MMP16: variants seen among roughly 807,000 people sequenced by gnomAD.
MMP16 encodes the protein matrix metalloproteinase-16.
In MMP16, 12 loss-of-function variants were observed where a neutral mutation model predicts 67.8. The observed-to-expected ratio is 0.18, with a 90% CI of 0.11 to 0.29. The LOEUF (loss-of-function observed/expected upper bound fraction) is 0.29. MMP16 is among the 10% of genes least tolerant of loss of function. The probability of loss-of-function intolerance (pLI) is 1.00; values close to 1 mark genes in which losing one functional copy is unlikely to be tolerated. For synonymous variants in MMP16, 249 were observed against 255.9 expected, an observed-to-expected ratio of 0.97 and a Z score of 0.26; for missense variants, 475 against 765.7, an observed-to-expected ratio of 0.62 and a Z score of 4.48.
At chr8:88,088,386 G>A (rs1808879534) in intron 6 of MMP16, among the ~76,000 whole-genome samples, 2 of 151,976 alleles carry the variant, frequency 1.3e-5, no homozygotes, top group Admixed American at 6.6e-5. Flanking sequence ...GTGCCATAGG[G>A]AAAGACTTTT....
At chr8:88,243,072 G>T (rs938036467) in intron 1 of MMP16, among the ~76,000 whole-genome samples, 11 of 152,198 alleles carry the variant, frequency 7.2e-5, no homozygotes, top group Admixed American at 7.2e-4. Context: ...TGTTTTTCAG[G>T]ATCCCATGTT....
chr8:88,142,680 C>A (rs181858020), intron 4 of MMP16, among the ~76,000 whole-genome samples: 30 of 152,004 alleles, frequency 2.0e-4, no homozygotes, highest in African/African-American at 6.8e-4. Flanking sequence ...CTGTAGTTAC[C>A]AGGAAATAAA....
intron 9 of MMP16, among the ~76,000 whole-genome samples, chr8:88,042,915 T>C (rs547231499): frequency 2.6e-5 from 4 of 152,318 alleles, no homozygotes; most frequent in African/African-American, 9.6e-5. Flanking sequence ...TCCTTTGAGA[T>C]AAAATTCAAA....
intron 1 of MMP16, among the ~76,000 whole-genome samples, chr8:88,198,218 A>G (rs1302116345): frequency 1.3e-5 from 2 of 152,024 alleles, no homozygotes; most frequent in East Asian, 3.9e-4. Context: ...CAGTTTTACA[A>G]CTCTATGGAT....
At chr8:88,276,782 C>T (rs28904573) in intron 1 of MMP16, among the ~76,000 whole-genome samples, 8,143 of 151,852 alleles carry the variant, frequency 0.054, 364 homozygotes, top group South Asian at 0.12. Flanking sequence ...TAAGAGAACC[C>T]GAGTAAGATT....
At chr8:88,090,254 T>C (rs1808910658) in intron 6 of MMP16, among the ~76,000 whole-genome samples, 1 of 152,010 alleles carries the variant, frequency 6.6e-6, no homozygotes, top group African/African-American at 2.4e-5. Flanking sequence ...AGATGAATCT[T>C]ACTTTATGCC....
chr8:88,315,549 A>G (rs1040373759), intron 1 of MMP16, among the ~76,000 whole-genome samples: 2 of 152,126 alleles, frequency 1.3e-5, no homozygotes, highest in Non-Finnish European at 2.9e-5. Context: ...TTAGTATTGT[A>G]ATTGTTTCAG....
In MMP16 at chr8:88,327,318, C is replaced by G; in HGVS notation, c.-112G>C. 1 of 1,440,962 alleles carries G rather than the reference C, an allele frequency of 6.9e-7. No individual in the cohort carries two copies. Among genetic ancestry groups the G allele is most frequent in the East Asian group, 2.3e-5 (1 of 42,868 alleles). 89.3% of individuals were successfully genotyped at this position (1,440,962 alleles called of 1,614,324 possible). On this transcript the variant is annotated 5_prime_UTR_variant, in exon 1 of 10. Transcript: ENST00000286614. The stretch of plus-strand genomic sequence containing the variant: ...AAAAGTCCTCCGGGTGGGTAAGGAG[C>G]CTGCAGGTTCACCCACAGCCGGGCA...
chr8:88,140,071 C>A (rs1808186223), intron 4 of MMP16, among the ~76,000 whole-genome samples: 1 of 152,092 alleles, frequency 6.6e-6, no homozygotes, highest in Non-Finnish European at 1.5e-5. Flanking sequence ...CCTTGGGGGT[C>A]TCTAGAGAAA....
At position 88,062,751 on chromosome 8, in the gene MMP16, A is replaced by G. The variant is rs192502441; in HGVS notation, c.1223-6473T>C. Among the ~76,000 whole-genome samples, 1,145 of 152,266 alleles carry G rather than the reference A, an allele frequency of 7.5e-3. 9 individuals carry two copies. The highest frequency in any genetic ancestry group is 0.011 in the Non-Finnish European group (767 of 68,018). The stretch of plus-strand genomic sequence containing the variant: ...CAGCACACCAACATGGCACAAGTAT[A>G]CATATGTAACAAACCTGCATGTTGT... On this transcript the variant is annotated intron_variant, in intron 7 of 9. Coordinates refer to ENST00000286614, the MANE Select transcript of MMP16 (RefSeq NM_005941.5).
In MMP16 at chr8:88,249,160, C is replaced by T. The variant is rs144612785; in HGVS notation, c.133-51854G>A. On this transcript the variant is annotated intron_variant, in intron 1 of 9. Coordinates refer to ENST00000286614, the MANE Select transcript of MMP16 (RefSeq NM_005941.5). ...CCACCAAGATACATAAGAGAGCTAA[C>T]GTTCAAAATGTCATGCAGCATGCCT... is the stretch of plus-strand genomic sequence containing the variant. Among the ~76,000 whole-genome samples the T allele has an allele frequency of 3.7e-3, 556 of 151,776 alleles. 2 individuals carry two copies. The highest frequency in any genetic ancestry group is 6.2e-3 in the South Asian group (30 of 4,808).
At chr8:88,323,418 T>C (rs7014590) in intron 1 of MMP16, among the ~76,000 whole-genome samples, 53,057 of 151,934 alleles carry the variant, frequency 0.35, 10,284 homozygotes, top group African/African-American at 0.53. Flanking sequence ...ATTTAGGAAA[T>C]AGTTATACTC....
chr8:88,170,486 T>C (rs1808781308), intron 3 of MMP16, among the ~76,000 whole-genome samples: 4 of 152,164 alleles, frequency 2.6e-5, no homozygotes. Flanking sequence ...ATGCACCCTA[T>C]GGGATTTCAG....
chr8:88,238,931 T>C (rs1809989595), intron 1 of MMP16, among the ~76,000 whole-genome samples: 1 of 151,880 alleles, frequency 6.6e-6, no homozygotes, highest in African/African-American at 2.4e-5. Flanking sequence ...TCAAGACCAG[T>C]CTGGCCAATA....
chr8:88,101,991 G>T (rs1437945231), intron 6 of MMP16, among the ~76,000 whole-genome samples: 1 of 151,820 alleles, frequency 6.6e-6, no homozygotes, highest in South Asian at 2.1e-4. Context: ...CTCATTCATA[G>T]TGTTACAATT....
Position 88,041,843 on chromosome 8 carries a change from G to A in MMP16, c.1490-48C>T. On this transcript the variant is annotated intron_variant, in intron 9 of 9. Coordinates refer to ENST00000286614, the MANE Select transcript of MMP16 (RefSeq NM_005941.5). The surrounding 1 kb of genome is among the most constrained non-coding windows in gnomAD (Gnocchi z 6.0). ...ACACAGGTACCACTTATTTGTGACA[G>A]TGTATATGTAGAGAAATGTTACTAA... 8 of 1,377,070 alleles carry A rather than the reference G, an allele frequency of 5.8e-6. No homozygotes were observed. The highest frequency in any genetic ancestry group is 8.1e-6 in the Non-Finnish European group (8 of 992,580). 85.3% of individuals were successfully genotyped at this position (1,377,070 alleles called of 1,614,324 possible). A position where few individuals can be genotyped will look rare whatever the true frequency, so the allele number is the denominator to read the frequency against.
intron 1 of MMP16, among the ~76,000 whole-genome samples, chr8:88,203,910 C>A (rs979242150): frequency 6.6e-6 from 1 of 152,110 alleles, no homozygotes; most frequent in Non-Finnish European, 1.5e-5. Context: ...AAACAAAAAT[C>A]TTTTAATCTG....
chr8:88,312,487 G>A (rs1811310624), intron 1 of MMP16, among the ~76,000 whole-genome samples: 1 of 152,040 alleles, frequency 6.6e-6, no homozygotes, highest in Admixed American at 6.6e-5. Context: ...TATACAATAA[G>A]CAGCACATAT....
chr8:88,179,260 CCT>C, intron 3 of MMP16, among the ~76,000 whole-genome samples: 1 of 152,060 alleles, frequency 6.6e-6, no homozygotes, highest in South Asian at 2.1e-4. Context: ...TTCTATTAAA[CCT>C]CTCTTCAAGA....
Sources: gnomAD v4.1 joint callset for allele counts (sites outside exome capture counted in the v4.1 genomes callset) on GRCh38, gnomAD v4.1.1 for gene constraint, Gnocchi (gnomAD v3.1) non-coding constraint, MANE v1.5 for transcripts, NCBI Gene and HGNC (gene_info 2026-07-23, HGNC 2026-07-21) for gene names.